TFCP2: variants seen among roughly 807,000 people sequenced by gnomAD.
The protein encoded by TFCP2 is alpha-globin transcription factor CP2.
In TFCP2, 33 loss-of-function variants were observed where a neutral mutation model predicts 73.4. That is an observed-to-expected ratio of 0.45 (90% CI 0.34 to 0.60). The LOEUF (loss-of-function observed/expected upper bound fraction) is 0.60, where lower values mean the gene tolerates loss of function less well. Among genes scored for constraint, TFCP2 ranks in the 20% least tolerant of loss-of-function variants. The pLI is 0.01. For missense variants in TFCP2, 352 were observed against 604.0 expected (o/e 0.58, Z 4.37); for synonymous variants, 193 against 211.6 (o/e 0.91, Z 0.76).
At chr12:51,141,635 C>T (rs930330924) in intron 1 of TFCP2, among the ~76,000 whole-genome samples, 1 of 151,778 alleles carries the variant, frequency 6.6e-6, no homozygotes, top group Non-Finnish European at 1.5e-5. Flanking sequence ...CAGGGTGGCT[C>T]ACACTTGTAA....
intron 1 of TFCP2, among the ~76,000 whole-genome samples, chr12:51,152,310 C>A (rs1006563522): frequency 2.0e-5 from 3 of 152,046 alleles, no homozygotes. Context: ...AAAATAACTA[C>A]CCTGCACTTA....
intron 1 of TFCP2, among the ~76,000 whole-genome samples, chr12:51,167,555 G>A (rs1941780508): frequency 6.6e-6 from 1 of 152,094 alleles, no homozygotes; most frequent in South Asian, 2.1e-4. Context: ...ATCATGCCCA[G>A]CTAATTTTTG....
At chr12:51,133,038 A>T (rs1243523882) in intron 1 of TFCP2, among the ~76,000 whole-genome samples, 1 of 152,190 alleles carries the variant, frequency 6.6e-6, no homozygotes, top group Non-Finnish European at 1.5e-5. Context: ...AAGATAACAA[A>T]GCTTCTAAAA....
chr12:51,111,412 C>T (rs1156602364), intron 4 of TFCP2, among the ~76,000 whole-genome samples: 1 of 152,164 alleles, frequency 6.6e-6, no homozygotes, highest in Non-Finnish European at 1.5e-5. Flanking sequence ...TCCTAAAGTG[C>T]TGGGATTACA....
At chr12:51,114,893 C>T in intron 4 of TFCP2, among the ~76,000 whole-genome samples, 1 of 151,600 alleles carries the variant, frequency 6.6e-6, no homozygotes, top group South Asian at 2.1e-4. Context: ...GAAACCCCGT[C>T]TCTACCAAAA....
intron 4 of TFCP2, among the ~76,000 whole-genome samples, chr12:51,113,704 C>T (rs993363053): frequency 1.3e-5 from 2 of 152,146 alleles, no homozygotes; most frequent in African/African-American, 4.8e-5. Flanking sequence ...TAAAGACAGA[C>T]ATTTAAACAA....
At chr12:51,151,627 T>G (rs1050592589) in intron 1 of TFCP2, among the ~76,000 whole-genome samples, 60 of 152,054 alleles carry the variant, frequency 3.9e-4, no homozygotes, top group African/African-American at 1.3e-3. Context: ...TAGTAGAGAC[T>G]GGGTTTCACC....
intron 1 of TFCP2, among the ~76,000 whole-genome samples, chr12:51,134,459 T>C (rs1027182819): frequency 6.6e-6 from 1 of 152,046 alleles, no homozygotes; most frequent in Non-Finnish European, 1.5e-5. Flanking sequence ...TATTTTTTTG[T>C]ATTTTTAGTA....
intron 1 of TFCP2, among the ~76,000 whole-genome samples, chr12:51,134,976 GGT>G (rs1440368804): frequency 1.3e-5 from 2 of 152,116 alleles, no homozygotes; most frequent in African/African-American, 4.8e-5. Context: ...CAGGCATAGT[GGT>G]GTGCACCTGT....
intron 1 of TFCP2, among the ~76,000 whole-genome samples, chr12:51,136,110 G>C (rs1294413480): frequency 1.3e-5 from 2 of 151,878 alleles, no homozygotes; most frequent in Admixed American, 1.3e-4. Context: ...TTCGAGACCA[G>C]CCTGGCCAAC....
intron 5 of TFCP2, 55 bp from the exon 6 acceptor site, chr12:51,109,328 G>A: frequency 5.7e-6 from 9 of 1,579,330 alleles, no homozygotes; most frequent in Non-Finnish European, 6.9e-6. Flanking sequence ...AAACCAGTTG[G>A]CAGTATTTTT....
intron 1 of TFCP2, among the ~76,000 whole-genome samples, chr12:51,147,531 G>GGT (rs1941325070): frequency 6.6e-6 from 1 of 151,668 alleles, no homozygotes; most frequent in Non-Finnish European, 1.5e-5. Context: ...GGAAGAGGTG[G>GGT]GGGGGGAAAG....
chr12:51,098,724 G>A (rs368785771), intron 13 of TFCP2, 52 bp downstream of exon 13: 7 of 1,601,316 alleles, frequency 4.4e-6, no homozygotes, highest in Middle Eastern at 3.3e-4. Context: ...CTTGCTCCAT[G>A]CGCTGACAAA....
intron 1 of TFCP2, among the ~76,000 whole-genome samples, chr12:51,161,855 A>C (rs1344948933): frequency 6.6e-6 from 1 of 150,782 alleles, no homozygotes; most frequent in East Asian, 1.9e-4. Context: ...AACTGTCTTA[A>C]ATATGCTCAG....
At chr12:51,120,667 G>A (rs184145050) in intron 1 of TFCP2, among the ~76,000 whole-genome samples, 212 of 152,138 alleles carry the variant, frequency 1.4e-3, no homozygotes, top group Middle Eastern at 6.8e-3. Context: ...GGTGGCTCAC[G>A]GCTGTAATTC....
At chr12:51,155,344 A>G (rs1941515701) in intron 1 of TFCP2, among the ~76,000 whole-genome samples, 1 of 152,174 alleles carries the variant, frequency 6.6e-6, no homozygotes, top group African/African-American at 2.4e-5. Flanking sequence ...GAGTAAGCCA[A>G]TTCCCCTAAT....
intron 12 of TFCP2, among the ~76,000 whole-genome samples, chr12:51,099,209 G>A (rs1940045075): frequency 6.6e-6 from 1 of 152,154 alleles, no homozygotes; most frequent in Non-Finnish European, 1.5e-5. Context: ...TACCTGGCTG[G>A]GTGTAGTGGT....
At chr12:51,105,256 G>T (rs1016487722) in intron 8 of TFCP2, among the ~76,000 whole-genome samples, 3 of 151,782 alleles carry the variant, frequency 2.0e-5, no homozygotes, top group Non-Finnish European at 4.4e-5. Flanking sequence ...GCCACACCTG[G>T]CTAATTTTTT....
At chr12:51,095,745 C>T (rs1370955165) in intron 14 of TFCP2, among the ~76,000 whole-genome samples, 3 of 133,672 alleles carry the variant, frequency 2.2e-5, no homozygotes, top group African/African-American at 8.5e-5. Flanking sequence ...ACTTGGGAAG[C>T]GAAGGTTGTA....
Sources: allele counts gnomAD v4.1 joint callset (sites outside exome capture counted in the v4.1 genomes callset), GRCh38; gene constraint gnomAD v4.1.1; transcripts MANE v1.5; gene names NCBI Gene and HGNC (gene_info 2026-07-23, HGNC 2026-07-21).